The following MED12L variants were observed in gnomAD, a reference collection of about 807,000 sequenced individuals.
MED12L encodes mediator complex subunit 12L, also known as mediator of RNA polymerase II transcription subunit 12-like protein.
In MED12L, 60 loss-of-function variants were observed where a neutral mutation model predicts 281.3. The observed-to-expected ratio is 0.21, with a 90% CI of 0.17 to 0.26. The LOEUF (loss-of-function observed/expected upper bound fraction) is 0.26, where lower values mean the gene tolerates loss of function less well. Among genes scored for constraint, MED12L ranks in the 10% least tolerant of loss-of-function variants. MED12L has a pLI of 1.00. For missense variants in MED12L, 2,146 were observed against 2,680.9 expected (o/e 0.80, Z 4.41); for synonymous variants, 974 against 987.2 (o/e 0.99, Z 0.25).
Position 151,383,329 on chromosome 3 carries a change from C to T in MED12L, c.4681-450C>T, listed in dbSNP as rs62285882. 3.3e-4 allele frequency among the ~76,000 whole-genome samples: 51 copies of T among 152,350 alleles called. 1 individual carries two copies. The highest frequency in any genetic ancestry group is 3.3e-3 in the South Asian group (16 of 4,832). The stretch of plus-strand genomic sequence containing the variant: ...CTGGTAGGTGTGCGGGCCAAGCCTC[C>T]TGCCCACCACTGCTGTGATAGTGGA... On this transcript the variant is annotated intron_variant, in intron 33 of 44. Transcript: ENST00000687756.
At chr3:151,106,088 C>G (rs530694552) in intron 2 of MED12L, among the ~76,000 whole-genome samples, 196 of 152,276 alleles carry the variant, frequency 1.3e-3, no homozygotes, top group African/African-American at 4.2e-3. Flanking sequence ...TTCCAACTCT[C>G]ATGAGAGCCT....
At chr3:151,146,162 T>C (rs1020375231) in intron 5 of MED12L, among the ~76,000 whole-genome samples, 7 of 152,008 alleles carry the variant, frequency 4.6e-5, no homozygotes, top group African/African-American at 1.5e-4. Flanking sequence ...ATCCCTGGAG[T>C]TGGAAATAAA....
Position 151,427,623 on chromosome 3 carries a change from G to C in MED12L, c.6409-2676G>C, listed in dbSNP as rs1719020064. On this transcript the variant is annotated intron_variant, in intron 43 of 44. Coordinates refer to ENST00000687756, the MANE Select transcript of MED12L (RefSeq NM_001393769.1). ...TGTACACCATGTACCCCAATATGCT[G>C]TTCAATCAGCTTAGACATCTTTATA... Among the ~76,000 whole-genome samples, 4 of 152,174 alleles carry C rather than the reference G, an allele frequency of 2.6e-5. No homozygotes were observed. The South Asian group carries it at 8.3e-4, about 32-fold the overall frequency.
At chr3:151,140,587 G>A (rs933159114) in intron 5 of MED12L, among the ~76,000 whole-genome samples, 1 of 152,222 alleles carries the variant, frequency 6.6e-6, no homozygotes, top group Non-Finnish European at 1.5e-5. Flanking sequence ...TAGAATGCTG[G>A]TGTGTGGTTG....
At chr3:151,423,477 T>C (rs1718513829) in intron 43 of MED12L, among the ~76,000 whole-genome samples, 1 of 152,292 alleles carries the variant, frequency 6.6e-6, no homozygotes, top group South Asian at 2.1e-4. Flanking sequence ...TGTTTACAAA[T>C]TAAATCTGGT....
In MED12L at chr3:151,179,965, A is replaced by G. The variant is rs538830923; in HGVS notation, c.1495-5365A>G. Among the ~76,000 whole-genome samples the G allele has an allele frequency of 9.2e-5, 14 of 152,300 alleles. 1 individual carries two copies. The South Asian group carries it at 2.9e-3, about 32-fold the overall frequency. On this transcript the variant is annotated intron_variant, in intron 11 of 44. Coordinates refer to ENST00000687756, the MANE Select transcript of MED12L (RefSeq NM_001393769.1). ...TTATTCCCACCACTCTAAATATCCT[A>G]AGGAAAGGATGGCATCACTTGGCAG...
At chr3:151,409,854 T>TG (rs1553814675) in intron 40 of MED12L, among the ~76,000 whole-genome samples, 1 of 152,184 alleles carries the variant, frequency 6.6e-6, no homozygotes, top group Non-Finnish European at 1.5e-5. Context: ...TAGTCCCAGT[T>TG]GCACGGGAGG....
intron 16 of MED12L, chr3:151,329,494 C>A: frequency 6.5e-7 from 1 of 1,546,694 alleles, no homozygotes; most frequent in South Asian, 1.2e-5. Context: ...TGGGAGGATA[C>A]TCAGTTCTCT....
At chr3:151,115,729 TA>T (rs753735498) in intron 2 of MED12L, among the ~76,000 whole-genome samples, 1 of 150,544 alleles carries the variant, frequency 6.6e-6, no homozygotes, top group Non-Finnish European at 1.5e-5. Context: ...AACTTATAAG[TA>T]AAAAAAAATC....
chr3:151,191,769 G>C (rs911019247), intron 14 of MED12L, among the ~76,000 whole-genome samples: 4 of 152,176 alleles, frequency 2.6e-5, no homozygotes, highest in African/African-American at 9.7e-5. Flanking sequence ...AGCCGGGCGT[G>C]GTGGCACATG....
chr3:151,307,533 CTG>C (rs67391329), intron 16 of MED12L, among the ~76,000 whole-genome samples: 3,396 of 137,620 alleles, frequency 0.025, 39 homozygotes, highest in East Asian at 0.056. Context: ...GTAACTTGCT[CTG>C]TGTGTGTGTG....
At chr3:151,257,616 A>G (rs895840619) in intron 16 of MED12L, among the ~76,000 whole-genome samples, 2 of 152,272 alleles carry the variant, frequency 1.3e-5, no homozygotes, top group African/African-American at 4.8e-5. Context: ...ATTGTCTGTC[A>G]TCAGTATTAT....
intron 16 of MED12L, chr3:151,340,805 A>T (rs1441957119): frequency 6.6e-6 from 1 of 152,598 alleles, no homozygotes; most frequent in Non-Finnish European, 1.5e-5. Context: ...TCACAATCAG[A>T]GATTGTCTTC....
chr3:151,140,310 G>C (rs77713418), intron 5 of MED12L, among the ~76,000 whole-genome samples: 1,575 of 152,292 alleles, frequency 0.01, 16 homozygotes, highest in Admixed American at 0.03. Context: ...GTATGGTACA[G>C]CAGTATTAAC....
intron 16 of MED12L, among the ~76,000 whole-genome samples, chr3:151,334,086 A>G (rs1750656938): frequency 6.6e-6 from 1 of 151,960 alleles, no homozygotes; most frequent in East Asian, 1.9e-4. Flanking sequence ...CAAAAAAAAG[A>G]AAAAAAATCT....
intron 43 of MED12L, among the ~76,000 whole-genome samples, chr3:151,427,416 C>A (rs1379573682): frequency 1.3e-5 from 2 of 152,166 alleles, no homozygotes; most frequent in Non-Finnish European, 2.9e-5. Flanking sequence ...AACACACACA[C>A]GCATACATGT....
In MED12L at chr3:151,413,290, C is replaced by A. The variant is rs778261298; in HGVS notation, c.6292C>A (p.Leu2098Ile). 6.2e-7 allele frequency: 1 copy of A among 1,614,048 alleles called. No individual in the cohort carries two copies. ...GCAAGTTCGACAGCAGCAGAGACTC[C>A]TCCAGGTACGGGGCAGGGAGATGAG... is the stretch of plus-strand genomic sequence containing the variant. ...QPQVRQQQRL[L>I]QMQQPQQPQP... Residue 2098 changes from leucine (L) to isoleucine (I), a missense_variant, in exon 42 of 45, where the codon CTC (leucine) becomes ATC (isoleucine). Transcript: ENST00000687756.
In MED12L at chr3:151,389,966, C is replaced by CTT; in HGVS notation, c.5452-11_5452-10dup. 6.2e-7 allele frequency: 1 copy of CTT among 1,612,996 alleles called. No homozygotes were observed. Among genetic ancestry groups the CTT allele is most frequent in the East Asian group, 2.2e-5 (1 of 44,864 alleles). On this transcript the variant is annotated splice_polypyrimidine_tract_variant and intron_variant, in intron 37 of 44. Coordinates refer to ENST00000687756, the MANE Select transcript of MED12L (RefSeq NM_001393769.1). ...TGGAGTTACGTAACTTTTTAAAAAA[C>CTT]TTTATGTTGAAGGAATATCCACAGA...
intron 2 of MED12L, 60 bp downstream of exon 2, chr3:151,087,085 GC>G (rs987097746): frequency 2.4e-5 from 33 of 1,379,912 alleles, no homozygotes; most frequent in Non-Finnish European, 4.0e-6. Flanking sequence ...CTGACCCGGG[GC>G]CAAGTTGGCC....
Sources: allele counts gnomAD v4.1 joint callset (sites outside exome capture counted in the v4.1 genomes callset), GRCh38; gene constraint gnomAD v4.1.1; transcripts MANE v1.5; gene names NCBI Gene and HGNC (gene_info 2026-07-23, HGNC 2026-07-21).